The following TMEM117 variants were observed in gnomAD, a reference collection of about 807,000 sequenced individuals.
TMEM117 encodes the protein transmembrane protein 117.
TMEM117 carries 27 observed loss-of-function variants against 52.4 expected under a neutral mutation model. The ratio of observed to expected loss-of-function variants is 0.51; its 90% CI spans 0.38 to 0.71. TMEM117 has a LOEUF of 0.71. TMEM117 is among the 30% of genes least tolerant of loss of function. The pLI is 0.00. For synonymous variants in TMEM117, 215 were observed against 206.3 expected (o/e 1.04, Z -0.36); for missense variants, 556 against 630.5 (o/e 0.88, Z 1.26).
At chr12:44,240,390 AATC>A (rs1950047352) in intron 5 of TMEM117, among the ~76,000 whole-genome samples, 1 of 152,212 alleles carries the variant, frequency 6.6e-6, no homozygotes, top group African/African-American at 2.4e-5. Flanking sequence ...TGTTGGCTCA[AATC>A]TAGTCACATG....
chr12:43,925,589 A>G (rs898034856), intron 2 of TMEM117, among the ~76,000 whole-genome samples: 1 of 152,082 alleles, frequency 6.6e-6, no homozygotes, highest in Non-Finnish European at 1.5e-5. Flanking sequence ...TGCCAATGGT[A>G]TGGTTTCCCA....
At chr12:44,180,608 G>T (rs1304624809) in intron 4 of TMEM117, among the ~76,000 whole-genome samples, 2 of 149,380 alleles carry the variant, frequency 1.3e-5, no homozygotes, top group Non-Finnish European at 3.0e-5. Flanking sequence ...GCGGTGTCTG[G>T]TTTTTTGTTC....
At chr12:44,015,023 A>C (rs1946352176) in intron 3 of TMEM117, among the ~76,000 whole-genome samples, 1 of 151,812 alleles carries the variant, frequency 6.6e-6, no homozygotes, top group African/African-American at 2.4e-5. Flanking sequence ...ACCTTAGCAA[A>C]CTTGGTTCAG....
At chr12:43,849,450 A>G (rs1324978590) in intron 2 of TMEM117, among the ~76,000 whole-genome samples, 1 of 152,164 alleles carries the variant, frequency 6.6e-6, no homozygotes, top group Non-Finnish European at 1.5e-5. Context: ...TAATTGCAAC[A>G]TTTTGTTAAA....
rs181190594 is a variant in TMEM117, at chr12:43,916,985, T to G, written c.278-27225T>G. Among the ~76,000 whole-genome samples the G allele has an allele frequency of 2.0e-3, 299 of 150,182 alleles. 2 individuals are homozygous for G. The highest frequency in any genetic ancestry group is 3.1e-3 in the Non-Finnish European group (211 of 67,414). ...GCAGCCTCCTAGAGCATAATCAGAT[T>G]ACCTGAAGCCATTAGTTACCTTAAC... On this transcript the variant is annotated intron_variant, in intron 2 of 7. Transcript: ENST00000266534.
At chr12:44,337,185 G>A (rs769205387) in intron 6 of TMEM117, among the ~76,000 whole-genome samples, 1 of 151,964 alleles carries the variant, frequency 6.6e-6, no homozygotes, top group Non-Finnish European at 1.5e-5. Flanking sequence ...CAAGATCAAT[G>A]CACTCACAGT....
chr12:44,209,309 C>T (rs1949614690), intron 4 of TMEM117, among the ~76,000 whole-genome samples: 1 of 152,012 alleles, frequency 6.6e-6, no homozygotes. Flanking sequence ...ATTCTATCAT[C>T]TTCCCCTTAC....
At chr12:44,320,194 C>T (rs1243762871) in intron 6 of TMEM117, among the ~76,000 whole-genome samples, 1 of 152,176 alleles carries the variant, frequency 6.6e-6, no homozygotes, top group African/African-American at 2.4e-5. Flanking sequence ...TTTTAAAAAT[C>T]CAAGATTTCT....
chr12:43,943,536 A>G (rs931103319), intron 2 of TMEM117, among the ~76,000 whole-genome samples: 7 of 152,112 alleles, frequency 4.6e-5, no homozygotes, highest in Admixed American at 4.6e-4. Flanking sequence ...TAACTTTAGC[A>G]TTTGTCTTCA....
intron 3 of TMEM117, among the ~76,000 whole-genome samples, chr12:44,125,643 T>C (rs1012660157): frequency 6.6e-6 from 1 of 152,158 alleles, no homozygotes; most frequent in Admixed American, 6.5e-5. Context: ...TCTATCTGTT[T>C]TATTAAGTTT....
At chr12:44,253,251 A>G (rs1190318587) in intron 5 of TMEM117, among the ~76,000 whole-genome samples, 1 of 152,240 alleles carries the variant, frequency 6.6e-6, no homozygotes, top group Non-Finnish European at 1.5e-5. Context: ...AAATTATATG[A>G]TCAAAAATTA....
intron 3 of TMEM117, among the ~76,000 whole-genome samples, chr12:44,072,963 G>T (rs1009043323): frequency 6.6e-6 from 1 of 152,006 alleles, no homozygotes; most frequent in Non-Finnish European, 1.5e-5. Context: ...GGTGGTGTGT[G>T]CCTGTAGTCC....
chr12:44,202,986 G>T (rs1333698766), intron 4 of TMEM117, among the ~76,000 whole-genome samples: 3 of 151,898 alleles, frequency 2.0e-5, no homozygotes. Flanking sequence ...GTAGAGACAG[G>T]GTTTTGGTAT....
intron 6 of TMEM117, among the ~76,000 whole-genome samples, chr12:44,311,716 AAT>A (rs559926860): frequency 3.8e-4 from 54 of 143,438 alleles, no homozygotes; most frequent in Middle Eastern, 7.2e-3. Context: ...GTTAATATTA[AAT>A]ATATATATGT....
At chr12:44,265,778 G>C (rs1004532594) in intron 5 of TMEM117, among the ~76,000 whole-genome samples, 1 of 152,000 alleles carries the variant, frequency 6.6e-6, no homozygotes, top group African/African-American at 2.4e-5. Flanking sequence ...CCCAGGCCCT[G>C]GAAAACATCA....
intron 5 of TMEM117, among the ~76,000 whole-genome samples, chr12:44,216,494 C>T (rs1336326764): frequency 1.3e-5 from 2 of 152,122 alleles, no homozygotes; most frequent in Non-Finnish European, 2.9e-5. Flanking sequence ...ATAACCCATT[C>T]TGATGTTTAC....
intron 1 of TMEM117, among the ~76,000 whole-genome samples, chr12:43,841,025 C>A (rs991458012): frequency 6.6e-6 from 1 of 152,176 alleles, no homozygotes; most frequent in Non-Finnish European, 1.5e-5. Context: ...CAAACATTTG[C>A]AGCCTGTGTA....
intron 4 of TMEM117, among the ~76,000 whole-genome samples, chr12:44,172,028 G>T (rs971765025): frequency 3.3e-5 from 5 of 152,192 alleles, no homozygotes; most frequent in African/African-American, 4.8e-5. Flanking sequence ...AGGCAGCAGT[G>T]CTTGGGAGAT....
chr12:44,226,176 G>T (rs1456767947), intron 5 of TMEM117, among the ~76,000 whole-genome samples: 1 of 152,112 alleles, frequency 6.6e-6, no homozygotes, highest in Non-Finnish European at 1.5e-5. Flanking sequence ...AGAGAACCAG[G>T]CAGAATTGCT....
Sources: gnomAD v4.1 joint callset for allele counts (sites outside exome capture counted in the v4.1 genomes callset) on GRCh38, gnomAD v4.1.1 for gene constraint, MANE v1.5 for transcripts, NCBI Gene and HGNC (gene_info 2026-07-23, HGNC 2026-07-21) for gene names.